EXOC6B: variants seen among roughly 807,000 people sequenced by gnomAD.
EXOC6B encodes the protein SEC15 homolog B.
EXOC6B carries 54 observed loss-of-function variants against 113.5 expected under a neutral mutation model. The ratio of observed to expected loss-of-function variants is 0.48; its 90% confidence interval spans 0.38 to 0.60. The LOEUF (loss-of-function observed/expected upper bound fraction) is 0.60. EXOC6B is among the 20% of genes least tolerant of loss of function. The pLI, the probability that EXOC6B is intolerant of heterozygous loss-of-function variation, is 0.00. For missense variants in EXOC6B, 797 were observed against 977.5 expected (o/e 0.82, Z 2.46); for synonymous variants, 357 against 339.0 (o/e 1.05, Z -0.58).
chr2:72,456,603 C>T (rs1697250253), intron 18 of EXOC6B, among the ~76,000 whole-genome samples: 1 of 152,110 alleles, frequency 6.6e-6, no homozygotes, highest in Non-Finnish European at 1.5e-5. Context: ...CTAACCCTTT[C>T]ACCTATTTGC....
intron 6 of EXOC6B, among the ~76,000 whole-genome samples, chr2:72,671,785 A>AAGAAAGAAAGAAAGAAAGAAAGAAAG (rs1558902900): frequency 2.3e-5 from 3 of 128,126 alleles, no homozygotes; most frequent in African/African-American, 1.0e-4. Context: ...GAAAGAAAGA[A>AAGAAAGAAAGAAAGAAAGAAAGAAAG]AGAAAGAAAG....
intron 6 of EXOC6B, among the ~76,000 whole-genome samples, chr2:72,708,035 C>G (rs1279930113): frequency 6.6e-6 from 1 of 151,800 alleles, no homozygotes; most frequent in African/African-American, 2.4e-5. Flanking sequence ...ACACTTGACT[C>G]TACAAAATAT....
At chr2:72,728,478 G>C (rs1054362808) in intron 5 of EXOC6B, among the ~76,000 whole-genome samples, 2 of 152,140 alleles carry the variant, frequency 1.3e-5, no homozygotes, top group African/African-American at 4.8e-5. Flanking sequence ...GTCCCTAATA[G>C]TATCAGTAAG....
chr2:72,468,918 T>C (rs559549855), intron 17 of EXOC6B, among the ~76,000 whole-genome samples: 27 of 152,170 alleles, frequency 1.8e-4, no homozygotes, highest in Non-Finnish European at 3.7e-4. Flanking sequence ...ATTTCTGTTT[T>C]GCTAAAAGTC....
intron 19 of EXOC6B, among the ~76,000 whole-genome samples, chr2:72,363,257 T>C (rs1047687882): frequency 1.3e-5 from 2 of 152,088 alleles, no homozygotes; most frequent in African/African-American, 4.8e-5. Context: ...CTTAGAGTTA[T>C]TGGGTTTGGT....
chr2:72,609,407 T>C (rs1433210015), intron 6 of EXOC6B, among the ~76,000 whole-genome samples: 2 of 151,516 alleles, frequency 1.3e-5, no homozygotes, highest in Non-Finnish European at 2.9e-5. Flanking sequence ...ATGAACCAAA[T>C]AGAAACTCTA....
chr2:72,571,367 C>T (rs949458129), intron 7 of EXOC6B, among the ~76,000 whole-genome samples: 5 of 151,900 alleles, frequency 3.3e-5, no homozygotes, highest in South Asian at 4.1e-4. Context: ...GCCTGGGCAA[C>T]ATAGTGAAGC....
intron 20 of EXOC6B, among the ~76,000 whole-genome samples, chr2:72,214,418 G>C (rs1348204707): frequency 5.3e-5 from 8 of 151,114 alleles, no homozygotes; most frequent in Non-Finnish European, 8.9e-5. Context: ...GTGAACCTGG[G>C]AGGCGGAGCT....
At chr2:72,806,688 G>C (rs1356988515) in intron 1 of EXOC6B, among the ~76,000 whole-genome samples, 1 of 152,120 alleles carries the variant, frequency 6.6e-6, no homozygotes, top group Non-Finnish European at 1.5e-5. Flanking sequence ...AACCTCACCA[G>C]CATCTATCAT....
chr2:72,603,820 G>C (rs1670585996), intron 6 of EXOC6B, among the ~76,000 whole-genome samples: 1 of 151,974 alleles, frequency 6.6e-6, no homozygotes, highest in Non-Finnish European at 1.5e-5. Flanking sequence ...TTATATCTTG[G>C]CTCAAACACT....
chr2:72,643,164 G>A (rs1673396172), intron 6 of EXOC6B, among the ~76,000 whole-genome samples: 1 of 151,998 alleles, frequency 6.6e-6, no homozygotes, highest in Non-Finnish European at 1.5e-5. Flanking sequence ...CACTGTTGGT[G>A]GGACTGTAAA....
At chr2:72,403,767 C>T (rs939149619) in intron 18 of EXOC6B, among the ~76,000 whole-genome samples, 15 of 152,138 alleles carry the variant, frequency 9.9e-5, no homozygotes, top group African/African-American at 3.1e-4. Flanking sequence ...CTCCAGTCTA[C>T]AGCTCCCAGC....
chr2:72,810,276 C>T (rs929969894), intron 1 of EXOC6B, among the ~76,000 whole-genome samples: 2 of 151,468 alleles, frequency 1.3e-5, no homozygotes, highest in Admixed American at 1.3e-4. Context: ...GCTACTCAAG[C>T]GGCTAAGACA....
intron 1 of EXOC6B, among the ~76,000 whole-genome samples, chr2:72,753,483 T>G (rs1273836635): frequency 1.3e-5 from 2 of 152,142 alleles, no homozygotes; most frequent in Non-Finnish European, 1.5e-5. Context: ...CCCCAGCTAC[T>G]GCCTTGACTC....
chr2:72,460,304 C>A (rs186767869), intron 18 of EXOC6B, among the ~76,000 whole-genome samples: 5 of 152,114 alleles, frequency 3.3e-5, no homozygotes, highest in African/African-American at 4.8e-5. Flanking sequence ...TGGGCAAGGA[C>A]TTCATGTCTA....
chr2:72,346,910 G>C (rs1253723048), intron 19 of EXOC6B, among the ~76,000 whole-genome samples: 4 of 152,028 alleles, frequency 2.6e-5, no homozygotes, highest in African/African-American at 9.7e-5. Context: ...AAGATGAAAG[G>C]AGTATTTGTA....
intron 20 of EXOC6B, among the ~76,000 whole-genome samples, chr2:72,249,703 C>T (rs1242550583): frequency 1.3e-5 from 2 of 152,172 alleles, no homozygotes; most frequent in East Asian, 1.9e-4. Flanking sequence ...TTTTCACTAT[C>T]ACTACCCAAT....
intron 18 of EXOC6B, among the ~76,000 whole-genome samples, chr2:72,407,157 T>A (rs1292060681): frequency 6.6e-6 from 1 of 152,146 alleles, no homozygotes; most frequent in Non-Finnish European, 1.5e-5. Flanking sequence ...CTCCCAAGAC[T>A]AAACCAGGAA....
Position 72,785,345 on chromosome 2 carries a change from G to A in EXOC6B, c.113+40453C>T, listed in dbSNP as rs548062937. Among the ~76,000 whole-genome samples, 17 of 152,310 alleles carry A rather than the reference G, an allele frequency of 1.1e-4. No individual in the cohort carries two copies. The South Asian group carries it at 1.5e-3, about 13-fold the overall frequency. On this transcript the variant is annotated intron_variant, in intron 1 of 21. Coordinates refer to ENST00000272427, the MANE Select transcript of EXOC6B (RefSeq NM_015189.3). The stretch of plus-strand genomic sequence containing the variant: ...TCTGGAGGACAGTGGCTTTCTTCTC[G>A]CAGCTCCACTAGGCAGTGCCCCAGT...
Sources: allele counts gnomAD v4.1 joint callset (sites outside exome capture counted in the v4.1 genomes callset), GRCh38; gene constraint gnomAD v4.1.1; transcripts MANE v1.5; gene names NCBI Gene and HGNC (gene_info 2026-07-23, HGNC 2026-07-21).